Variants in ZNF736 observed in about 807,000 individuals in gnomAD.
The protein encoded by ZNF736 is KRAB-containing zinc-finger repressor protein.
A neutral mutation model predicts 11.7 loss-of-function variants in ZNF736; 6 were observed. The ratio of observed to expected loss-of-function variants is 0.51; its 90% CI spans 0.28 to 1.01. The LOEUF (loss-of-function observed/expected upper bound fraction) is 1.01, where lower values mean the gene tolerates loss of function less well. Ranked by LOEUF, ZNF736 falls within the 50% of genes least tolerant of loss-of-function variation. The probability of loss-of-function intolerance (pLI) is 0.09; values close to 1 mark genes in which losing one functional copy is unlikely to be tolerated. For synonymous variants in ZNF736, 139 were observed against 164.7 expected (o/e 0.84, Z 1.19); for missense variants, 444 against 496.0 (o/e 0.90, Z 1.00).
intron 3 of ZNF736, among the ~76,000 whole-genome samples, chr7:64,342,846 A>G (rs1789357175): frequency 6.6e-6 from 1 of 152,078 alleles, no homozygotes; most frequent in Admixed American, 6.5e-5. Flanking sequence ...AACTTTGTCT[A>G]TGTGATTGTA....
chr7:64,340,328 T>G (rs1477643459), intron 3 of ZNF736, among the ~76,000 whole-genome samples: 2 of 152,186 alleles, frequency 1.3e-5, no homozygotes. Flanking sequence ...ACAGGCATCT[T>G]TCTCTGGGTC....
intron 1 of ZNF736, among the ~76,000 whole-genome samples, chr7:64,324,180 C>T (rs763750659): frequency 9.9e-5 from 15 of 152,120 alleles, no homozygotes; most frequent in Non-Finnish European, 2.2e-4. Context: ...TCTTCATGCT[C>T]ATGCTATAAT....
At chr7:64,337,742 T>G (rs1584273078) in intron 3 of ZNF736, among the ~76,000 whole-genome samples, 4 of 49,772 alleles carry the variant, frequency 8.0e-5, no homozygotes, top group South Asian at 7.1e-4. Context: ...TTTTGTTTTG[T>G]TTTGTTTTTT....
At chr7:64,331,600 G>A (rs1328580869) in intron 1 of ZNF736, among the ~76,000 whole-genome samples, 2 of 152,212 alleles carry the variant, frequency 1.3e-5, no homozygotes, top group East Asian at 1.9e-4. Context: ...TCTGGGGGAT[G>A]ATTGCTGGAG....
intron 1 of ZNF736, among the ~76,000 whole-genome samples, chr7:64,332,043 A>G (rs1362560929): frequency 6.6e-6 from 1 of 152,144 alleles, no homozygotes; most frequent in East Asian, 1.9e-4. Context: ...GCATATTCTC[A>G]AGAAACAGGT....
intron 1 of ZNF736, among the ~76,000 whole-genome samples, chr7:64,321,639 T>A (rs1028175284): frequency 1.3e-5 from 2 of 152,154 alleles, no homozygotes; most frequent in African/African-American, 2.4e-5. Flanking sequence ...CATGAAATAG[T>A]AGGGAGATCT....
intron 1 of ZNF736, among the ~76,000 whole-genome samples, chr7:64,321,362 T>C (rs910820626): frequency 2.6e-5 from 4 of 152,140 alleles, no homozygotes; most frequent in Admixed American, 6.5e-5. Flanking sequence ...CCTTTTGCTT[T>C]GAAGGTCCCA....
At chr7:64,323,367 T>C (rs628388) in intron 1 of ZNF736, among the ~76,000 whole-genome samples, 148,536 of 152,280 alleles carry the variant, frequency 0.98, 72,520 homozygotes, top group Non-Finnish European at 1. Context: ...CAATAGGTTC[T>C]GTGCTCTCAA....
chr7:64,336,865 G>A lies in ZNF736; in HGVS notation c.131-22G>A, dbSNP rs753131118. The A allele has an allele frequency of 4.2e-5, 62 of 1,481,344 alleles. 1 individual carries two copies. In the African/African-American group the frequency reaches 7.4e-4, roughly 18 times the overall value. 91.8% of individuals were successfully genotyped at this position (1,481,344 alleles called of 1,614,324 possible). On this transcript the variant is annotated intron_variant, in intron 2 of 3. Transcript: ENST00000423484. ...ATCAGATTATCCTAGCAAGAGTCAT[G>A]TTTTTTTTTCTAATAAAACAGGTCT...
chr7:64,322,811 A>G (rs1016142082), intron 1 of ZNF736, among the ~76,000 whole-genome samples: 20 of 152,244 alleles, frequency 1.3e-4, no homozygotes, highest in Non-Finnish European at 2.2e-4. Context: ...AACAGTAATA[A>G]GAATATGTCA....
At chr7:64,333,812 C>A (rs1789207144) in intron 1 of ZNF736, among the ~76,000 whole-genome samples, 1 of 152,072 alleles carries the variant, frequency 6.6e-6, no homozygotes, top group Non-Finnish European at 1.5e-5. Flanking sequence ...TTATATGGAA[C>A]CAAAAAAGAG....
chr7:64,335,534 T>C (rs2115927415), intron 1 of ZNF736, among the ~76,000 whole-genome samples: 1 of 152,350 alleles, frequency 6.6e-6, no homozygotes, highest in South Asian at 2.1e-4. Context: ...ATACGCTTTC[T>C]GACAGATATT....
chr7:64,318,486 A>G (rs1788947654), intron 1 of ZNF736, among the ~76,000 whole-genome samples: 1 of 152,066 alleles, frequency 6.6e-6, no homozygotes, highest in South Asian at 2.1e-4. Context: ...GAAACAGACT[A>G]ATATACTCAT....
intron 3 of ZNF736, among the ~76,000 whole-genome samples, chr7:64,342,248 G>T (rs1180487909): frequency 6.6e-6 from 1 of 152,038 alleles, no homozygotes; most frequent in Non-Finnish European, 1.5e-5. Context: ...TTTGAGAGAG[G>T]CCCGGAACAG....
chr7:64,355,650 G>A lies in ZNF736; in HGVS notation c.*6503G>A, dbSNP rs1474391501. The A allele has an allele frequency of 2.0e-5, 3 of 152,276 alleles. No homozygotes were observed. Among genetic ancestry groups the A allele is most frequent in the Non-Finnish European group, 4.4e-5 (3 of 68,076 alleles). The allele number at this position is 152,276 out of a possible 1,614,324, so 9.4% of individuals were successfully genotyped here. A position where few individuals can be genotyped will look rare whatever the true frequency, so the allele number is the denominator to read the frequency against. ...ACCCACCTCAGCCTTCCAAAGTGCT[G>A]GGAATGCACATGTGAGCCACCGCGC... On this transcript the variant is annotated 3_prime_UTR_variant, in exon 4 of 4. Coordinates refer to ENST00000423484, the MANE Select transcript of ZNF736 (RefSeq NM_001170905.3).
At chr7:64,325,284 A>G (rs534172503) in intron 1 of ZNF736, among the ~76,000 whole-genome samples, 1 of 152,368 alleles carries the variant, frequency 6.6e-6, no homozygotes, top group East Asian at 1.9e-4. Context: ...GCCTGTAGAA[A>G]TAAGAACTTA....
intron 3 of ZNF736, among the ~76,000 whole-genome samples, chr7:64,345,142 G>A (rs796540372): frequency 4.9e-4 from 74 of 151,574 alleles, no homozygotes; most frequent in African/African-American, 1.7e-3. Context: ...TTCTGCCGAC[G>A]CCTCCAGAGT....
At chr7:64,345,956 CTG>C in intron 3 of ZNF736, among the ~76,000 whole-genome samples, 1 of 152,192 alleles carries the variant, frequency 6.6e-6, no homozygotes, top group South Asian at 2.1e-4. Flanking sequence ...ATTCTGCTGT[CTG>C]TATACATTTG....
chr7:64,314,674 C>T (rs2115853492), intron 1 of ZNF736, among the ~76,000 whole-genome samples: 1 of 152,308 alleles, frequency 6.6e-6, no homozygotes, highest in Admixed American at 6.5e-5. Flanking sequence ...AGATGATCCT[C>T]TCACCCCAGC....
Sources: gnomAD v4.1 joint callset for allele counts (sites outside exome capture counted in the v4.1 genomes callset) on GRCh38, gnomAD v4.1.1 for gene constraint, MANE v1.5 for transcripts, NCBI Gene and HGNC (gene_info 2026-07-23, HGNC 2026-07-21) for gene names.